CDK12: variants seen among roughly 807,000 people sequenced by gnomAD.
The protein encoded by CDK12 is cyclin-dependent kinase 12.
A neutral mutation model predicts 133.8 loss-of-function variants in CDK12; 17 were observed. That is an observed-to-expected ratio of 0.13 (90% CI 0.09 to 0.19). CDK12 has a LOEUF of 0.19. Among genes scored for constraint, CDK12 ranks in the 10% least tolerant of loss-of-function variants. CDK12 has a pLI of 1.00. For missense variants in CDK12, 1,508 were observed against 1,818.7 expected (o/e 0.83, Z 3.11); for synonymous variants, 694 against 683.6 (o/e 1.02, Z -0.24).
intron 1 of CDK12, among the ~76,000 whole-genome samples, chr17:39,465,569 CTCTGCCTCTCGG>C (rs2049248695): frequency 2.6e-5 from 4 of 151,928 alleles, no homozygotes; most frequent in Admixed American, 2.6e-4. Flanking sequence ...TCACTGCAAC[CTCTGCCTCTCGG>C]GTTCAAGCTA....
rs1380190501 is a variant in CDK12 at position 39,517,432 on chromosome 17, G to C, written c.2847-8G>C. 6.3e-7 allele frequency: 1 copy of C among 1,578,210 alleles called. No homozygotes were observed. Among genetic ancestry groups the C allele is most frequent in the African/African-American group, 1.4e-5 (1 of 73,984 alleles). ...ACTCCATTGTTCTTGCTTTTGCTTT[G>C]TTTTCAGCCGACTTTGTGGTAGCCC... On this transcript the variant is annotated splice_polypyrimidine_tract_variant and splice_region_variant and intron_variant, in intron 9 of 13. Transcript: ENST00000447079.
chr17:39,525,017 A>G, intron 12 of CDK12, 132 bp downstream of exon 12: 1 of 673,898 alleles, frequency 1.5e-6, no homozygotes, highest in South Asian at 2.0e-5. Context: ...AAAGAGGTTA[A>G]TGTCCTCATT....
intron 11 of CDK12, among the ~76,000 whole-genome samples, chr17:39,523,942 C>T (rs1339198899): frequency 2.6e-4 from 39 of 152,260 alleles, no homozygotes; most frequent in South Asian, 4.1e-4. Context: ...TGAGCTGCCG[C>T]GCCCAGCCAA....
In CDK12 at chr17:39,472,721, C is replaced by G. The variant is rs184412013; in HGVS notation, c.1931+958C>G. 8.2e-4 allele frequency among the ~76,000 whole-genome samples: 125 copies of G among 152,196 alleles called. 3 individuals carry two copies. The East Asian group carries it at 0.016, about 20-fold the overall frequency. ...CTAATAATAACGTTCTATATAATTA[C>G]AATATCTTCATCACCCTGAAAAATT... On this transcript the variant is annotated intron_variant, in intron 2 of 13. Coordinates refer to ENST00000447079, the MANE Select transcript of CDK12 (RefSeq NM_016507.4).
chr17:39,556,128 A>C (rs2056155619), intron 2 of CDK12, among the ~76,000 whole-genome samples: 1 of 149,554 alleles, frequency 6.7e-6, no homozygotes, highest in South Asian at 2.1e-4. Context: ...CTTTTCTTTC[A>C]CCTCCCTTTA....
At chr17:39,475,344 G>T (rs1330310336) in intron 2 of CDK12, among the ~76,000 whole-genome samples, 3 of 151,884 alleles carry the variant, frequency 2.0e-5, no homozygotes, top group Non-Finnish European at 2.9e-5. Context: ...GTGGTGGCAG[G>T]TACCTTTAGC....
Position 39,519,915 on chromosome 17 carries a change from G to A in CDK12, c.2964-41G>A, listed in dbSNP as rs748204856. ...CAAAATTACAAATTTGAGAACTGTA[G>A]GGTCATTGTGAACTTGTCCTTTCTG... On this transcript the variant is annotated intron_variant, in intron 10 of 13. Coordinates refer to ENST00000447079, the MANE Select transcript of CDK12 (RefSeq NM_016507.4). 4.3e-6 allele frequency: 7 copies of A among 1,611,722 alleles called. No homozygotes were observed. The South Asian group carries it at 6.6e-5, about 15-fold the overall frequency.
At chr17:39,492,982 G>T in intron 4 of CDK12, 92 bp downstream of exon 4, 1 of 1,154,452 alleles carries the variant, frequency 8.7e-7, no homozygotes. Flanking sequence ...AAATTCTGAG[G>T]TGTTTTGTTT....
intron 6 of CDK12, among the ~76,000 whole-genome samples, chr17:39,505,576 G>A (rs1346372569): frequency 6.7e-6 from 1 of 150,372 alleles, no homozygotes; most frequent in Non-Finnish European, 1.5e-5. Context: ...ATTTAAAGGA[G>A]CATATTTCTA....
In CDK12 at chr17:39,490,543, C is replaced by G; in HGVS notation, c.1932-14C>G. 6.3e-7 allele frequency: 1 copy of G among 1,576,294 alleles called. No homozygotes were observed. Reference sequence around the variant, plus strand: ...TAATTGTAATTTTGTCATCTCTTCTCATTTATTGTTTAGTCCAAAAGAAAC... The same window carrying G: ...TAATTGTAATTTTGTCATCTCTTCTGATTTATTGTTTAGTCCAAAAGAAAC... On this transcript the variant is annotated splice_polypyrimidine_tract_variant and intron_variant, in intron 2 of 13. Transcript: ENST00000447079.
rs770310273 is a variant in CDK12, at chr17:39,531,238, T to C, written c.4395T>C (p.Ser1465=). 4 of 1,514,904 alleles carry C rather than the reference T, an allele frequency of 2.6e-6. No homozygotes were observed. Among genetic ancestry groups the C allele is most frequent in the Non-Finnish European group, 3.5e-6 (4 of 1,134,060 alleles). 93.8% of individuals were successfully genotyped at this position (1,514,904 alleles called of 1,614,324 possible). ...AGLHWGGPTQ[S]SAYGKLYRGP... is the part of the protein sequence containing the mutation. ...TTCACTGGGGGGGCCCAACTCAGTC[T>C]TCTGCTTATGGAAAACTCTATCGGG... Residue 1465 remains serine (S), a synonymous_variant, in exon 14 of 14, where the codon TCT becomes TCC. Coordinates refer to ENST00000447079, the MANE Select transcript of CDK12 (RefSeq NM_016507.4).
intron 1 of CDK12, among the ~76,000 whole-genome samples, chr17:39,466,798 A>G (rs1413993612): frequency 2.0e-5 from 3 of 151,918 alleles, no homozygotes; most frequent in South Asian, 2.1e-4. Flanking sequence ...TAGTTGGCTT[A>G]TAGAGAGCAT....
downstream of CDK12, among the ~76,000 whole-genome samples, chr17:39,565,362 C>T (rs1202343370): frequency 1.3e-5 from 2 of 151,974 alleles, no homozygotes; most frequent in African/African-American, 4.8e-5. Flanking sequence ...GATCCGCCCA[C>T]CTCAGCCTCC....
rs989897253 is a variant in CDK12, at chr17:39,461,819, C to G, written c.-253C>G. The G allele has an allele frequency of 7.0e-5, 38 of 539,320 alleles. No homozygotes were observed. The highest frequency in any genetic ancestry group is 6.7e-6 in the Non-Finnish European group (2 of 300,328). The allele number at this position is 539,320 out of a possible 1,614,324, so 33.4% of individuals were successfully genotyped here. A position where few individuals can be genotyped will look rare whatever the true frequency, so the allele number is the denominator to read the frequency against. On this transcript the variant is annotated 5_prime_UTR_variant, in exon 1 of 14. Transcript: ENST00000447079. ...AGGGAGAAGAGGAAACAGACTTGAG[C>G]AGCTCCCCGTTGTCTCGCAACTCCA...
intron 11 of CDK12, among the ~76,000 whole-genome samples, chr17:39,521,880 A>C (rs957385255): frequency 6.9e-6 from 1 of 145,512 alleles, no homozygotes; most frequent in Non-Finnish European, 1.5e-5. Flanking sequence ...TTTTTTTCCA[A>C]TTGTAGAAAT....
chr17:39,563,704 G>C (rs937201761), intron 3 of CDK12, among the ~76,000 whole-genome samples: 4 of 152,092 alleles, frequency 2.6e-5, no homozygotes, highest in African/African-American at 4.8e-5. Flanking sequence ...GATGGCGGAG[G>C]AAGATTAAGA....
At chr17:39,504,750 A>T (rs1003352616) in intron 6 of CDK12, among the ~76,000 whole-genome samples, 1 of 151,684 alleles carries the variant, frequency 6.6e-6, no homozygotes, top group African/African-American at 2.4e-5. Context: ...TTGGTGGTGC[A>T]CGCATCTAAT....
At chr17:39,514,537 T>G (rs2053678432) in intron 8 of CDK12, among the ~76,000 whole-genome samples, 1 of 152,104 alleles carries the variant, frequency 6.6e-6, no homozygotes, top group Non-Finnish European at 1.5e-5. Context: ...AGATGTGGTC[T>G]TCCTATGTTG....
At chr17:39,488,929 CA>C (rs1424533395) in intron 2 of CDK12, among the ~76,000 whole-genome samples, 3 of 151,834 alleles carry the variant, frequency 2.0e-5, no homozygotes, top group Non-Finnish European at 4.4e-5. Context: ...CCACCATGTC[CA>C]GCTAATTATT....
Sources: allele counts gnomAD v4.1 joint callset (sites outside exome capture counted in the v4.1 genomes callset), GRCh38; gene constraint gnomAD v4.1.1; transcripts MANE v1.5; gene names NCBI Gene and HGNC (gene_info 2026-07-23, HGNC 2026-07-21).